The following ZNF311 variants were observed in gnomAD, a reference collection of about 807,000 sequenced individuals.
ZNF311 encodes zinc finger protein 311.
ZNF311 carries 14 observed loss-of-function variants against 22.7 expected under a neutral mutation model. That is an observed-to-expected ratio of 0.62 (90% confidence interval 0.41 to 0.96). The LOEUF is 0.96. ZNF311 is among the 40% of genes least tolerant of loss of function. ZNF311 has a pLI of 0.00. For missense variants in ZNF311, 731 were observed against 799.0 expected, an observed-to-expected ratio of 0.91 and a Z score of 1.03; for synonymous variants, 250 against 275.3, an observed-to-expected ratio of 0.91 and a Z score of 0.91.
chr6:29,002,599 T>C (rs1053831073), intron 3 of ZNF311, among the ~76,000 whole-genome samples: 8 of 151,598 alleles, frequency 5.3e-5, no homozygotes, highest in African/African-American at 1.7e-4. Flanking sequence ...TACTATCTCC[T>C]AGGTTGCACC....
At chr6:28,998,316 G>C (rs936427503) in intron 6 of ZNF311, among the ~76,000 whole-genome samples, 1 of 150,954 alleles carries the variant, frequency 6.6e-6, no homozygotes, top group African/African-American at 2.4e-5. Context: ...ATTACACCCA[G>C]CATGCACCAC....
At position 28,995,537 on chromosome 6, in the gene ZNF311, G is replaced by C; in HGVS notation, c.1465C>G (p.His489Asp). 6.2e-7 allele frequency: 1 copy of C among 1,613,800 alleles called. No homozygotes were observed. Among genetic ancestry groups the C allele is most frequent in the Non-Finnish European group, 8.5e-7 (1 of 1,180,020 alleles). Reference protein sequence around the residue: ...AFRHNCKRRAHEREHTGEKPY... With the variant: ...AFRHNCKRRADEREHTGEKPY... Reference sequence around the variant, plus strand: ...TTCTCCCCTGTATGCTCTCGTTCATGAGCCCTGCGCTTACAGTTATGACGA... The same window carrying C: ...TTCTCCCCTGTATGCTCTCGTTCATCAGCCCTGCGCTTACAGTTATGACGA... The change falls in exon 7 of 7, where the codon CAT becomes GAT. Residue 489 changes from histidine (H) to aspartate (D), a missense_variant. Physicochemically the swap from His to Asp is moderately conservative, Grantham distance 81 (BLOSUM62 -1). Transcript: ENST00000377179. This position sits in a 1 kb window ranked among gnomAD's most constrained non-coding sequence, Gnocchi z 4.7.
At chr6:28,996,611 AGAGG>A in intron 6 of ZNF311, 25 bp from the exon 7 acceptor site, 1 of 1,559,050 alleles carries the variant, frequency 6.4e-7, no homozygotes, top group Non-Finnish European at 8.6e-7. Flanking sequence ...TACAAATGTC[AGAGG>A]GAAGGAAATA....
At position 28,996,198 on chromosome 6, in the gene ZNF311, A is replaced by C; in HGVS notation, c.804T>G (p.Ile268Met). Reference protein sequence around the residue: ...WHSDLILHEQIHSGEKPHVCN... With the variant: ...WHSDLILHEQMHSGEKPHVCN... Reference sequence around the variant, plus strand: ...ACACATGGGGTTTCTCACCAGAATGAATTTGCTCATGGAGAATTAGATCTG... The same window carrying C: ...ACACATGGGGTTTCTCACCAGAATGCATTTGCTCATGGAGAATTAGATCTG... The change falls in exon 7 of 7, where the codon ATT becomes ATG. Residue 268 changes from isoleucine to methionine, a missense_variant. Physicochemically the swap from Ile to Met is conservative, Grantham distance 10. Coordinates refer to ENST00000377179, the MANE Select transcript of ZNF311 (RefSeq NM_001382360.1). 6.8e-6 allele frequency: 11 copies of C among 1,613,504 alleles called. No homozygotes were observed. The highest frequency in any genetic ancestry group is 9.3e-6 in the Non-Finnish European group (11 of 1,180,030).
chr6:29,002,500 C>T (rs1216407385), intron 3 of ZNF311, among the ~76,000 whole-genome samples: 1 of 152,084 alleles, frequency 6.6e-6, no homozygotes, highest in Non-Finnish European at 1.5e-5. Flanking sequence ...GTAGCATATA[C>T]TAAAAAGCTT....
rs768082207 is a variant in ZNF311, at chr6:28,999,510, T to G, written c.287A>C (p.Asn96Thr). ...RHLYKDVMLE[N>T]YGNMVSLGFP... ...ACCAAGTGATACCATGTTCCCATAA[T>G]TTTCCAACATCACATCCTTATAGAG... The change falls in exon 5 of 7, where the codon AAT (asparagine) becomes ACT (threonine). Residue 96 changes from asparagine (N) to threonine (T), a missense_variant. By Grantham distance (65) the Asn-to-Thr change is moderately conservative. Transcript: ENST00000377179. 6.2e-7 allele frequency: 1 copy of G among 1,611,870 alleles called. No individual in the cohort carries two copies. Among genetic ancestry groups the G allele is most frequent in the South Asian group, 1.1e-5 (1 of 90,772 alleles).
rs1051453716 is a variant in ZNF311, at chr6:28,998,915, C to T, written c.311-77G>A. 16 of 984,116 alleles carry T rather than the reference C, an allele frequency of 1.6e-5. No homozygotes were observed. In the African/African-American group the frequency reaches 2.1e-4, roughly 13 times the overall value. The allele number at this position is 984,116 out of a possible 1,614,324, so 61.0% of individuals were successfully genotyped here. ...TATAACTTAGCTAAGCAGCCCTGAT[C>T]CTTCTGTTTGTATATGAAAACAGGA... On this transcript the variant is annotated intron_variant, in intron 5 of 6. Coordinates refer to ENST00000377179, the MANE Select transcript of ZNF311 (RefSeq NM_001382360.1).
chr6:29,000,414 G>A (rs769981579), intron 3 of ZNF311, among the ~76,000 whole-genome samples: 1 of 152,166 alleles, frequency 6.6e-6, no homozygotes, highest in Non-Finnish European at 1.5e-5. Context: ...GAATACTGAA[G>A]TCATTTCTTC....
chr6:29,004,159 C>G lies in ZNF311; in HGVS notation c.-205G>C. On this transcript the variant is annotated 5_prime_UTR_variant, in exon 2 of 7. Transcript: ENST00000377179. ...TTGGCTTAATGTGTCAAACACTGCC[C>G]TGGATTTGGGGTTCATTAGCAACAC... 6.9e-7 allele frequency: 1 copy of G among 1,457,370 alleles called. No homozygotes were observed. The allele number at this position is 1,457,370 out of a possible 1,614,324, so 90.3% of individuals were successfully genotyped here. A position where few individuals can be genotyped will look rare whatever the true frequency, so the allele number is the denominator to read the frequency against.
rs778190104 is a variant in ZNF311, at chr6:28,996,371, CAG to C, written c.629_630del (p.Ser210Ter). On this transcript the variant is annotated frameshift_variant, in exon 7 of 7. Coordinates refer to ENST00000377179, the MANE Select transcript of ZNF311 (RefSeq NM_001382360.1). LOFTEE classifies it low-confidence loss of function (END_TRUNC). ...REKLREEKEG[S>X]EEVTCKKGKN... Reference sequence around the variant, plus strand: ...TTTCCTTTTTTGCAGGTCACTTCCTCAGAGCCTTCTTTCTCTTCTCTCAGTTT... The same window carrying C: ...TTTCCTTTTTTGCAGGTCACTTCCTCAGCCTTCTTTCTCTTCTCTCAGTTT... 17 of 1,611,812 alleles carry C rather than the reference CAG, an allele frequency of 1.1e-5. No individual in the cohort carries two copies. The Admixed American group carries it at 2.8e-4, about 27-fold the overall frequency.
chr6:29,002,896 C>T (rs1047270440), intron 3 of ZNF311, among the ~76,000 whole-genome samples: 5 of 152,162 alleles, frequency 3.3e-5, no homozygotes, highest in Non-Finnish European at 5.9e-5. Context: ...GCTAGGATTA[C>T]AGGCATAAGT....
intron 6 of ZNF311, 101 bp downstream of exon 6, chr6:28,998,632 CT>C: frequency 1.3e-6 from 1 of 753,644 alleles, no homozygotes; most frequent in Non-Finnish European, 2.1e-6. Flanking sequence ...AATGGGTTTC[CT>C]TTCTGGGCCC....
intron 6 of ZNF311, among the ~76,000 whole-genome samples, chr6:28,998,211 C>G (rs376499304): frequency 1.3e-5 from 2 of 151,036 alleles, no homozygotes; most frequent in South Asian, 2.1e-4. Flanking sequence ...CTGTGTCCCC[C>G]GGGTTGGAGT....
Position 28,996,004 on chromosome 6 carries a change from C to A in ZNF311, c.998G>T (p.Cys333Phe). The change falls in exon 7 of 7, where the codon TGC (cysteine) becomes TTC (phenylalanine). Residue 333 changes from cysteine to phenylalanine, a missense_variant. By Grantham distance (205) the Cys-to-Phe change is radical. Coordinates refer to ENST00000377179, the MANE Select transcript of ZNF311 (RefSeq NM_001382360.1). ...CTTGAAGGCCTTCCCACAGTCCCTG[C>A]ACTCGTGAGGCTTCTCCCCACTGTG... ...KTHSGEKPHE[C>F]RDCGKAFKTR... The A allele has an allele frequency of 6.2e-7, 1 of 1,613,674 alleles. No individual in the cohort carries two copies. The highest frequency in any genetic ancestry group is 8.5e-7 in the Non-Finnish European group (1 of 1,180,030).
chr6:29,002,364 A>C (rs970009471), intron 3 of ZNF311, among the ~76,000 whole-genome samples: 1 of 152,156 alleles, frequency 6.6e-6, no homozygotes, highest in Non-Finnish European at 1.5e-5. Context: ...CTAAATCTAT[A>C]AAAAATTTAT....
chr6:28,995,774 T>C lies in ZNF311; in HGVS notation c.1228A>G (p.Thr410Ala). The C allele has an allele frequency of 6.2e-7, 1 of 1,613,958 alleles. No homozygotes were observed. The highest frequency in any genetic ancestry group is 8.5e-7 in the Non-Finnish European group (1 of 1,180,022). Residue 410 changes from threonine (T) to alanine (A), a missense_variant, in exon 7 of 7, where the codon ACT becomes GCT. Coordinates refer to ENST00000377179, the MANE Select transcript of ZNF311 (RefSeq NM_001382360.1). The surrounding 1 kb of genome is among the most constrained non-coding windows in gnomAD (Gnocchi z 4.7). The part of the protein sequence containing the change: ...SDLTKHIRIH[T>A]GERPYECSKC... ...CTGCACTCATAAGGTCGTTCCCCAG[T>C]GTGGATTCTTATGTGTTTGGTGAGG...
At chr6:28,999,087 T>A (rs1030903933) in intron 5 of ZNF311, among the ~76,000 whole-genome samples, 1 of 151,322 alleles carries the variant, frequency 6.6e-6, no homozygotes, top group African/African-American at 2.4e-5. Context: ...CTCTCCTGTT[T>A]TTTTTTTTTT....
intron 1 of ZNF311, 130 bp from the exon 2 acceptor site, chr6:29,004,344 C>G: frequency 2.3e-6 from 1 of 430,414 alleles, no homozygotes; most frequent in Non-Finnish European, 3.5e-6. Flanking sequence ...GGCTACCACC[C>G]TTGTCTGAGC....
At chr6:29,000,991 T>G (rs1216345881) in intron 3 of ZNF311, among the ~76,000 whole-genome samples, 1 of 152,214 alleles carries the variant, frequency 6.6e-6, no homozygotes, top group East Asian at 1.9e-4. Flanking sequence ...TTAGCCAGGA[T>G]GGTCTCCATC....
Sources: allele counts gnomAD v4.1 joint callset (sites outside exome capture counted in the v4.1 genomes callset), GRCh38; gene constraint gnomAD v4.1.1; non-coding constraint Gnocchi (gnomAD v3.1); transcripts MANE v1.5; gene names NCBI Gene and HGNC (gene_info 2026-07-23, HGNC 2026-07-21).